Variants in NUP214 observed in about 807,000 individuals in gnomAD.
NUP214 encodes the protein nucleoporin 214, also known as nuclear pore complex protein Nup214.
In NUP214, 79 loss-of-function variants were observed where a neutral mutation model predicts 196.2. That is an observed-to-expected ratio of 0.40 (90% CI 0.34 to 0.49). NUP214 has a LOEUF of 0.49. NUP214 is among the 20% of genes least tolerant of loss of function. The pLI, the probability that NUP214 is intolerant of heterozygous loss-of-function variation, is 0.58. For synonymous variants in NUP214, 1,020 were observed against 990.5 expected, an observed-to-expected ratio of 1.03 and a Z score of -0.56; for missense variants, 2,468 against 2,539.0, an observed-to-expected ratio of 0.97 and a Z score of 0.60.
At chr9:131,195,686 TTG>T (rs1365136249) in intron 28 of NUP214, 1 of 175,800 alleles carries the variant, frequency 5.7e-6, no homozygotes, top group African/African-American at 2.4e-5. Context: ...GTTTTTTTCC[TTG>T]ATAACATACC....
chr9:131,231,285 C>T (rs541110143), intron 34 of NUP214, among the ~76,000 whole-genome samples: 2 of 152,178 alleles, frequency 1.3e-5, no homozygotes, highest in African/African-American at 4.8e-5. Flanking sequence ...CTCCGCCTCC[C>T]GGGTTCACGC....
At position 131,195,250 on chromosome 9, in the gene NUP214, G is replaced by A. The variant is rs755064661; in HGVS notation, c.3677G>A (p.Gly1226Glu). 19 of 1,612,114 alleles carry A rather than the reference G, an allele frequency of 1.2e-5. No individual in the cohort carries two copies. Among genetic ancestry groups the A allele is most frequent in the Admixed American group, 3.3e-5 (2 of 59,810 alleles). The change falls in exon 28 of 36, where the codon GGG becomes GAG. Residue 1226 changes from glycine to glutamate, a missense_variant. Physicochemically the swap from Gly to Glu is moderately conservative, Grantham distance 98. Around this residue, in one of 5 missense-constraint regions of NUP214, gnomAD observed 1,801 missense variants for 1,779.4 expected, o/e 1.01. Coordinates refer to ENST00000359428, the MANE Select transcript of NUP214 (RefSeq NM_005085.4). ...FSPSGTGFNF[G>E]IITPTPSSNF... Reference sequence around the variant, plus strand: ...CTTGTTAGGACTGGCTTTAATTTTGGGATAATCACACCAACACCGTCTTCT... The same window carrying A: ...CTTGTTAGGACTGGCTTTAATTTTGAGATAATCACACCAACACCGTCTTCT...
Position 131,232,743 on chromosome 9 carries a change from TTCACGCCTATAA to T in NUP214, c.6239+438_6239+449del, listed in dbSNP as rs1221118759. Reference sequence around the variant, plus strand: ...AATTCAGTCTTAGCCAGGTGGGTGGTTCACGCCTATAATCCCAGCACTTTGGGAGGCTGAGGT... The same window carrying T: ...AATTCAGTCTTAGCCAGGTGGGTGGTTCCCAGCACTTTGGGAGGCTGAGGT... On this transcript the variant is annotated intron_variant, in intron 35 of 35. Coordinates refer to ENST00000359428, the MANE Select transcript of NUP214 (RefSeq NM_005085.4). The surrounding 1 kb of genome is among the most constrained non-coding windows in gnomAD (Gnocchi z 5.1). The T allele has an allele frequency of 1.7e-5, 4 of 235,056 alleles. No individual in the cohort carries two copies. The highest frequency in any genetic ancestry group is 3.4e-5 in the Non-Finnish European group (4 of 117,762). The allele number at this position is 235,056 out of a possible 1,614,324, so 14.6% of individuals were successfully genotyped here.
At chr9:131,179,559 T>A (rs945027225) in intron 24 of NUP214, among the ~76,000 whole-genome samples, 2 of 152,134 alleles carry the variant, frequency 1.3e-5, no homozygotes, top group Non-Finnish European at 2.9e-5. Context: ...ATGATTAGTC[T>A]AGCAGCAAGA....
At chr9:131,175,408 G>A in intron 22 of NUP214, 52 bp from the exon 23 acceptor site, 1 of 1,596,594 alleles carries the variant, frequency 6.3e-7, no homozygotes, top group South Asian at 1.1e-5. Context: ...TTAACCTTTT[G>A]TATTTTCCTG....
chr9:131,186,870 C>T (rs941072717), intron 24 of NUP214, among the ~76,000 whole-genome samples: 1 of 152,118 alleles, frequency 6.6e-6, no homozygotes, highest in African/African-American at 2.4e-5. Flanking sequence ...AGCACCTTTG[C>T]GGTAGCAGCG....
chr9:131,150,868 GTGT>G (rs1467215803), intron 16 of NUP214, 103 bp downstream of exon 16: 39 of 1,168,732 alleles, frequency 3.3e-5, no homozygotes, highest in Admixed American at 2.9e-4. Context: ...AGGACCACCA[GTGT>G]TGTTGTTTTT....
At chr9:131,160,741 A>G (rs1414377511) in intron 18 of NUP214, among the ~76,000 whole-genome samples, 1 of 152,240 alleles carries the variant, frequency 6.6e-6, no homozygotes, top group Non-Finnish European at 1.5e-5. Flanking sequence ...AATAAATTAC[A>G]TTGTGTTATG....
Position 131,153,789 on chromosome 9 carries a change from AGCCTGTGCTCGTACTCAAGAGTC to A in NUP214, c.2436+1896_2436+1918del, listed in dbSNP as rs1273984805. On this transcript the variant is annotated intron_variant, in intron 17 of 35. Coordinates refer to ENST00000359428, the MANE Select transcript of NUP214 (RefSeq NM_005085.4). ...TTGAACCTGGGCAGTCTGACTCAAG[AGCCTGTGCTCGTACTCAAGAGTC>A]TGGTTTACAGTTCATGCAGGTTTAC... is the stretch of plus-strand genomic sequence containing the variant. Among the ~76,000 whole-genome samples the A allele has an allele frequency of 2.5e-4, 38 of 152,342 alleles. No homozygotes were observed. In the Middle Eastern group the frequency reaches 0.01, roughly 41 times the overall value.
chr9:131,223,782 T>A (rs1417103934), intron 32 of NUP214, among the ~76,000 whole-genome samples: 1 of 129,062 alleles, frequency 7.7e-6, no homozygotes, highest in Non-Finnish European at 1.6e-5. Context: ...TCGCCCAGGC[T>A]GGAGTGCAGT....
At chr9:131,214,190 A>G (rs925304882) in intron 30 of NUP214, among the ~76,000 whole-genome samples, 2 of 152,222 alleles carry the variant, frequency 1.3e-5, no homozygotes, top group African/African-American at 4.8e-5. Flanking sequence ...TTTGATGAGT[A>G]GAGATTAAGT....
chr9:131,150,256 T>C (rs780518626), intron 14 of NUP214, 68 bp from the exon 15 acceptor site: 131 of 1,351,788 alleles, frequency 9.7e-5, no homozygotes, highest in Non-Finnish European at 1.2e-4. Flanking sequence ...CTCCCTGTAA[T>C]AGGCTCTGAT....
At chr9:131,173,927 TTAAAA>T (rs1242703920) in intron 21 of NUP214, 123 bp from the exon 22 acceptor site, 3 of 1,253,818 alleles carry the variant, frequency 2.4e-6, no homozygotes, top group South Asian at 2.8e-5. Context: ...CTGCTCCCAC[TTAAAA>T]TAAGTAATAA....
intron 30 of NUP214, among the ~76,000 whole-genome samples, chr9:131,205,884 T>C (rs1232187804): frequency 6.6e-6 from 1 of 152,144 alleles, no homozygotes; most frequent in African/African-American, 2.4e-5. Context: ...GGTTTCGCCA[T>C]GTTGGCCAGG....
intron 21 of NUP214, among the ~76,000 whole-genome samples, chr9:131,165,973 A>G (rs904174403): frequency 5.9e-5 from 9 of 151,458 alleles, no homozygotes; most frequent in African/African-American, 2.2e-4. Context: ...ATGGGGAGTT[A>G]TTATTTAATG....
At chr9:131,133,067 G>T (rs1292644353) in intron 6 of NUP214, 39 bp from the exon 7 acceptor site, 13 of 1,474,612 alleles carry the variant, frequency 8.8e-6, no homozygotes, top group Non-Finnish European at 1.0e-5. Flanking sequence ...TCTGGTTGCT[G>T]TCATTTTTAT....
intron 12 of NUP214, among the ~76,000 whole-genome samples, chr9:131,145,251 T>C (rs1471272060): frequency 1.3e-5 from 2 of 152,134 alleles, no homozygotes; most frequent in Non-Finnish European, 2.9e-5. Context: ...ATTCTTAGGT[T>C]GGTATCCAGT....
chr9:131,145,385 C>CTCCCAAGATATCCATGATATCTTGGTTA (rs1832059840), intron 12 of NUP214, among the ~76,000 whole-genome samples: 2 of 152,112 alleles, frequency 1.3e-5, no homozygotes, highest in South Asian at 4.1e-4. Context: ...CTTGTAACCC[C>CTCCCAAGATATCCATGATATCTTGGTTA]TCCCAAGATA....
At position 131,159,521 on chromosome 9, in the gene NUP214, T is replaced by G. The variant is rs940022227; in HGVS notation, c.2540+35T>G. On this transcript the variant is annotated intron_variant, in intron 18 of 35. Coordinates refer to ENST00000359428, the MANE Select transcript of NUP214 (RefSeq NM_005085.4). The stretch of plus-strand genomic sequence containing the variant: ...ATCTCTCATCTGCAATGTGTTGGAA[T>G]AGATATTGCTATTGCCATTTTAAAA... The G allele has an allele frequency of 4.1e-6, 6 of 1,463,216 alleles. No homozygotes were observed. The Admixed American group carries it at 1.0e-4, about 25-fold the overall frequency. 90.6% of individuals were successfully genotyped at this position (1,463,216 alleles called of 1,614,324 possible).
Sources: gnomAD v4.1 joint callset for allele counts (sites outside exome capture counted in the v4.1 genomes callset) on GRCh38, gnomAD v4.1.1 for gene constraint, gnomAD v4.1.1 regional missense constraint, Gnocchi (gnomAD v3.1) non-coding constraint, MANE v1.5 for transcripts, NCBI Gene and HGNC (gene_info 2026-07-23, HGNC 2026-07-21) for gene names.